STX12: variants seen among roughly 807,000 people sequenced by gnomAD.
STX12 encodes syntaxin-12.
Under a neutral mutation model 42.2 loss-of-function variants are expected in STX12, and 17 were observed. That is an observed-to-expected ratio of 0.40 (90% confidence interval 0.28 to 0.60). STX12 has a LOEUF of 0.60. Ranked by LOEUF, STX12 falls within the 20% of genes least tolerant of loss-of-function variation. STX12 has a pLI of 0.39. For missense variants in STX12, 297 were observed against 330.9 expected, an observed-to-expected ratio of 0.90 and a Z score of 0.79; for synonymous variants, 108 against 116.7, an observed-to-expected ratio of 0.93 and a Z score of 0.48.
At chr1:27,819,537 G>A (rs1571534974) in intron 7 of STX12, 113 bp from the exon 8 acceptor site, 2 of 796,992 alleles carry the variant, frequency 2.5e-6, no homozygotes, top group Non-Finnish European at 2.0e-6. Context: ...TTCATGGCTG[G>A]ATAGTTTGGA....
chr1:27,776,383 T>C (rs2088628090), intron 1 of STX12, among the ~76,000 whole-genome samples: 1 of 152,204 alleles, frequency 6.6e-6, no homozygotes, highest in Non-Finnish European at 1.5e-5. Context: ...AGGTCTCTTA[T>C]GACCAGCAAT....
chr1:27,784,198 A>C (rs2088686383), intron 1 of STX12, among the ~76,000 whole-genome samples: 1 of 151,808 alleles, frequency 6.6e-6, no homozygotes, highest in Non-Finnish European at 1.5e-5. Context: ...AAAAAGTGTC[A>C]CTTTACTTTT....
intron 1 of STX12, among the ~76,000 whole-genome samples, chr1:27,780,994 T>A (rs909730159): frequency 2.6e-5 from 4 of 151,900 alleles, no homozygotes; most frequent in African/African-American, 9.7e-5. Context: ...AAGTGTCTGG[T>A]ATACTGCCTG....
At chr1:27,813,602 G>A (rs2088919363) in intron 6 of STX12, among the ~76,000 whole-genome samples, 2 of 152,196 alleles carry the variant, frequency 1.3e-5, no homozygotes, top group Non-Finnish European at 2.9e-5. Context: ...GCCTCCATCT[G>A]TAGCAGTGGT....
intron 1 of STX12, among the ~76,000 whole-genome samples, chr1:27,788,600 A>G (rs1325831154): frequency 2.0e-5 from 3 of 152,218 alleles, no homozygotes; most frequent in Non-Finnish European, 4.4e-5. Flanking sequence ...GAAAGAACAT[A>G]GCCATTGGAA....
chr1:27,809,257 C>A (rs1458373390), intron 4 of STX12, among the ~76,000 whole-genome samples: 1 of 151,418 alleles, frequency 6.6e-6, no homozygotes, highest in African/African-American at 2.4e-5. Flanking sequence ...TCGCTTGAAC[C>A]TGGGAGGCAG....
chr1:27,796,705 T>G (rs915970849), intron 3 of STX12, among the ~76,000 whole-genome samples: 2 of 133,836 alleles, frequency 1.5e-5, no homozygotes, highest in Non-Finnish European at 3.1e-5. Flanking sequence ...TGTAAAGAGT[T>G]TTTTTTTTTT....
chr1:27,804,847 G>A (rs561863249), intron 4 of STX12, among the ~76,000 whole-genome samples: 52 of 152,050 alleles, frequency 3.4e-4, no homozygotes, highest in African/African-American at 1.2e-3. Flanking sequence ...GCCAGAGACT[G>A]GGTAATTTAC....
At chr1:27,819,958 C>T (rs2088973215) in intron 8 of STX12, 1 of 450,936 alleles carries the variant, frequency 2.2e-6, no homozygotes, top group Admixed American at 3.6e-5. Flanking sequence ...AACTGCAAAG[C>T]TAACCCTATA....
chr1:27,781,342 C>T (rs1159811532), intron 1 of STX12, among the ~76,000 whole-genome samples: 1 of 152,126 alleles, frequency 6.6e-6, no homozygotes, highest in African/African-American at 2.4e-5. Context: ...CCACGACCAG[C>T]CCCAGTGGTG....
chr1:27,777,466 C>G (rs1232580381), intron 1 of STX12, among the ~76,000 whole-genome samples: 1 of 152,144 alleles, frequency 6.6e-6, no homozygotes, highest in Non-Finnish European at 1.5e-5. Context: ...GATCTTGATG[C>G]ATAATAAATT....
chr1:27,807,884 G>T (rs1309464791), intron 4 of STX12, among the ~76,000 whole-genome samples: 1 of 151,742 alleles, frequency 6.6e-6, no homozygotes, highest in African/African-American at 2.4e-5. Flanking sequence ...TTCAGTATCA[G>T]AGATGGATCT....
chr1:27,800,389 G>C (rs992116782), intron 3 of STX12, among the ~76,000 whole-genome samples: 3 of 151,978 alleles, frequency 2.0e-5, no homozygotes, highest in Admixed American at 6.6e-5. Context: ...TTTGTTACTT[G>C]TCTGTCTATA....
intron 1 of STX12, among the ~76,000 whole-genome samples, chr1:27,782,048 C>T (rs923399312): frequency 1.3e-5 from 2 of 152,102 alleles, no homozygotes; most frequent in Non-Finnish European, 1.5e-5. Context: ...TACTCAAGAT[C>T]ACTTTGCTTG....
At chr1:27,785,347 A>G (rs995846702) in intron 1 of STX12, among the ~76,000 whole-genome samples, 9 of 152,136 alleles carry the variant, frequency 5.9e-5, no homozygotes, top group Non-Finnish European at 1.3e-4. Flanking sequence ...TGTACCTTGC[A>G]TTTATGAAGT....
At chr1:27,792,261 CATATATATGTATCTAT>C (rs2088752326) in intron 2 of STX12, among the ~76,000 whole-genome samples, 7 of 119,848 alleles carry the variant, frequency 5.8e-5, no homozygotes, top group African/African-American at 6.3e-5. Flanking sequence ...TATGTAGATA[CATATATATGTATCTAT>C]ATATATGTAG....
In STX12 at chr1:27,789,603, C is replaced by G; in HGVS notation, c.160C>G (p.Gln54Glu). The G allele has an allele frequency of 3.7e-6, 6 of 1,613,656 alleles. No individual in the cohort carries two copies. Among genetic ancestry groups the G allele is most frequent in the Non-Finnish European group, 5.1e-6 (6 of 1,179,746 alleles). ...TTTGATGAGCCAGCTAGGAACTAAG[C>G]AGGACTCAAGCAAGCTACAGGAAAA... ...KNLMSQLGTK[Q>E]DSSKLQENLQ... The change falls in exon 2 of 9, where the codon CAG becomes GAG. Residue 54 changes from glutamine to glutamate, a missense_variant. Coordinates refer to ENST00000373943, the MANE Select transcript of STX12 (RefSeq NM_177424.3).
chr1:27,812,599 G>T (rs570038870), intron 6 of STX12, among the ~76,000 whole-genome samples: 1 of 152,072 alleles, frequency 6.6e-6, no homozygotes, highest in East Asian at 1.9e-4. Flanking sequence ...GTGCCACCAC[G>T]CCCAGCTAAT....
intron 1 of STX12, among the ~76,000 whole-genome samples, chr1:27,776,469 T>G (rs1468574894): frequency 1.3e-5 from 2 of 152,142 alleles, no homozygotes; most frequent in African/African-American, 4.8e-5. Flanking sequence ...ATCCCAGCAC[T>G]TTAGGAGGCC....
Sources: allele counts gnomAD v4.1 joint callset (sites outside exome capture counted in the v4.1 genomes callset), GRCh38; gene constraint gnomAD v4.1.1; transcripts MANE v1.5; gene names NCBI Gene and HGNC (gene_info 2026-07-23, HGNC 2026-07-21).